The following ADCY1 variants were observed in gnomAD, a reference collection of about 807,000 sequenced individuals.
ADCY1 encodes the protein adenylate cyclase type 1.
Under a neutral mutation model 105.4 loss-of-function variants are expected in ADCY1, and 28 were observed. The ratio of observed to expected loss-of-function variants is 0.27; its 90% CI spans 0.20 to 0.36. The LOEUF is 0.36. ADCY1 is among the 10% of genes least tolerant of loss of function. ADCY1 has a pLI of 1.00. For synonymous variants in ADCY1, 655 were observed against 623.8 expected (o/e 1.05, Z -0.75); for missense variants, 977 against 1,434.2 (o/e 0.68, Z 5.15).
At chr7:45,689,572 C>G (rs1368188586) in intron 14 of ADCY1, among the ~76,000 whole-genome samples, 1 of 152,158 alleles carries the variant, frequency 6.6e-6, no homozygotes, top group African/African-American at 2.4e-5. Context: ...GAAAGGATAG[C>G]ACCAAGCCAT....
In ADCY1 at chr7:45,684,963, A is replaced by G. The variant is rs373371373; in HGVS notation, c.1984-16A>G. The G allele has an allele frequency of 2.5e-6, 4 of 1,607,980 alleles. No homozygotes were observed. The African/African-American group carries it at 5.3e-5, about 22-fold the overall frequency. On this transcript the variant is annotated splice_polypyrimidine_tract_variant and intron_variant, in intron 11 of 19. Transcript: ENST00000297323. ...GTAATCAGAGGGTATTTTCTAAATT[A>G]ACATTTCTTATTCAGTGTTTTCCAG...
Position 45,721,933 on chromosome 7 carries a change from C to G in ADCY1, c.*7938C>G, listed in dbSNP as rs2090309049. ...TAGCCTAGATGAACTCCCAAGAGAT[C>G]TATTAAATCTTGTGGGCTGAATAAA... On this transcript the variant is annotated 3_prime_UTR_variant, in exon 20 of 20. Transcript: ENST00000297323. 1 of 398,212 alleles carries G rather than the reference C, an allele frequency of 2.5e-6. No homozygotes were observed. 24.7% of individuals were successfully genotyped at this position (398,212 alleles called of 1,614,324 possible).
At chr7:45,662,888 T>A (rs1231694115) in intron 8 of ADCY1, among the ~76,000 whole-genome samples, 1 of 152,176 alleles carries the variant, frequency 6.6e-6, no homozygotes, top group Non-Finnish European at 1.5e-5. Flanking sequence ...GCTTTTGCAG[T>A]TCCAGTGTCA....
chr7:45,599,996 G>A (rs1367113005), intron 2 of ADCY1, among the ~76,000 whole-genome samples: 1 of 152,126 alleles, frequency 6.6e-6, no homozygotes, highest in Non-Finnish European at 1.5e-5. Context: ...CCAACATGTG[G>A]CTCCTGGACA....
Position 45,678,160 on chromosome 7 carries a change from A to T in ADCY1, c.1801-6A>T. On this transcript the variant is annotated splice_region_variant and splice_polypyrimidine_tract_variant and intron_variant, in intron 9 of 19. Transcript: ENST00000297323. ...GCCCTGATGGATTGACTTCTCTCTT[A>T]CACAGTACCACCAGCTTCAGGACGA... is the stretch of plus-strand genomic sequence containing the variant. 1.2e-6 allele frequency: 2 copies of T among 1,614,154 alleles called. No homozygotes were observed. Among genetic ancestry groups the T allele is most frequent in the Non-Finnish European group, 8.5e-7 (1 of 1,180,006 alleles).
At chr7:45,671,011 T>C (rs1784353093) in intron 8 of ADCY1, among the ~76,000 whole-genome samples, 1 of 152,216 alleles carries the variant, frequency 6.6e-6, no homozygotes, top group East Asian at 1.9e-4. Context: ...AGTCAAGGTC[T>C]GCTTGTTTGG....
At chr7:45,582,260 C>A (rs1792573334) in intron 1 of ADCY1, among the ~76,000 whole-genome samples, 1 of 152,214 alleles carries the variant, frequency 6.6e-6, no homozygotes, top group African/African-American at 2.4e-5. Context: ...TGAGGGAGGG[C>A]AGCCTGTGCC....
rs926234262 is a variant in ADCY1 at position 45,717,910 on chromosome 7, G to T, written c.*3915G>T. On this transcript the variant is annotated 3_prime_UTR_variant, in exon 20 of 20. Coordinates refer to ENST00000297323, the MANE Select transcript of ADCY1 (RefSeq NM_021116.4). The stretch of plus-strand genomic sequence containing the variant: ...AACTCTATACTGTAGAGATGAGTCT[G>T]GTCCGAAGCAGATTAGTAATTTAGA... 2 of 152,624 alleles carry T rather than the reference G, an allele frequency of 1.3e-5. No individual in the cohort carries two copies. The highest frequency in any genetic ancestry group is 4.8e-5 in the African/African-American group (2 of 41,460). 9.5% of individuals were successfully genotyped at this position (152,624 alleles called of 1,614,324 possible).
intron 11 of ADCY1, chr7:45,684,350 C>T (rs1260499331): frequency 2.0e-5 from 3 of 152,256 alleles, no homozygotes; most frequent in Non-Finnish European, 2.9e-5. Context: ...AAAGGAATAA[C>T]CGTGTAGCCG....
intron 5 of ADCY1, 34 bp from the exon 6 acceptor site, chr7:45,657,693 G>GGT (rs757137809): frequency 9.9e-5 from 158 of 1,595,502 alleles, no homozygotes; most frequent in Non-Finnish European, 1.2e-4. Flanking sequence ...ATACAAGGTG[G>GGT]GCCCTAGCCC....
At chr7:45,635,601 G>GGTTTTTTTT (rs1794379951) in intron 4 of ADCY1, among the ~76,000 whole-genome samples, 32 of 57,198 alleles carry the variant, frequency 5.6e-4, no homozygotes, top group African/African-American at 2.2e-3. Context: ...AATTTCTCTT[G>GGTTTTTTTT]TTTTTTTTTT....
chr7:45,623,350 A>G (rs1011582248), intron 4 of ADCY1, among the ~76,000 whole-genome samples: 4 of 152,226 alleles, frequency 2.6e-5, no homozygotes, highest in Admixed American at 2.6e-4. Context: ...TGTAACGTGC[A>G]TGTTAGGAAG....
chr7:45,623,430 C>T (rs746723296), intron 4 of ADCY1, among the ~76,000 whole-genome samples: 3 of 152,188 alleles, frequency 2.0e-5, no homozygotes, highest in Non-Finnish European at 4.4e-5. Context: ...TCACATTGGC[C>T]ACAAGGCTCC....
At chr7:45,610,855 G>A (rs1244140016) in intron 3 of ADCY1, among the ~76,000 whole-genome samples, 31 of 35,730 alleles carry the variant, frequency 8.7e-4, no homozygotes, top group Non-Finnish European at 1.2e-3. Flanking sequence ...CGATATTGGA[G>A]TTGTGGAGAT....
chr7:45,588,663 C>T (rs1210738236), intron 1 of ADCY1, among the ~76,000 whole-genome samples: 3 of 151,950 alleles, frequency 2.0e-5, no homozygotes, highest in Non-Finnish European at 4.4e-5. Flanking sequence ...GCGGACAGGT[C>T]CTGCTCCTCC....
At chr7:45,706,647 C>T (rs1048149272) in intron 17 of ADCY1, among the ~76,000 whole-genome samples, 1 of 152,026 alleles carries the variant, frequency 6.6e-6, no homozygotes, top group African/African-American at 2.4e-5. Context: ...TTCAGTTTGG[C>T]AATGACTTTT....
chr7:45,588,063 T>C (rs1191716422), intron 1 of ADCY1, among the ~76,000 whole-genome samples: 1 of 152,200 alleles, frequency 6.6e-6, no homozygotes, highest in Admixed American at 6.5e-5. Context: ...TATTCATCTG[T>C]TATCCTTCAT....
In ADCY1 at chr7:45,626,958, A is replaced by G. The variant is rs73117923; in HGVS notation, c.1020+4215A>G. Among the ~76,000 whole-genome samples, 352 of 152,222 alleles carry G rather than the reference A, an allele frequency of 2.3e-3. 3 individuals carry two copies. The highest frequency in any genetic ancestry group is 3.7e-3 in the Non-Finnish European group (252 of 68,000). On this transcript the variant is annotated intron_variant, in intron 4 of 19. Coordinates refer to ENST00000297323, the MANE Select transcript of ADCY1 (RefSeq NM_021116.4). ...TATAGCACTAGAGGGCCAGAAGGAG[A>G]TGCTCCAATGTGAGCAGATGCAGGC...
intron 8 of ADCY1, among the ~76,000 whole-genome samples, chr7:45,676,116 A>G (rs1784452633): frequency 6.6e-6 from 1 of 150,968 alleles, no homozygotes; most frequent in Admixed American, 6.6e-5. Context: ...TCTGTCTTCT[A>G]GGTCAGGAAT....
Sources: allele counts gnomAD v4.1 joint callset (sites outside exome capture counted in the v4.1 genomes callset), GRCh38; gene constraint gnomAD v4.1.1; transcripts MANE v1.5; gene names NCBI Gene and HGNC (gene_info 2026-07-23, HGNC 2026-07-21).